Variants in TANGO6 observed in about 807,000 individuals in gnomAD.
TANGO6 encodes transport and golgi organization 6 homolog.
In TANGO6, 90 loss-of-function variants were observed where a neutral mutation model predicts 114.2. The ratio of observed to expected loss-of-function variants is 0.79; its 90% CI spans 0.66 to 0.94. The LOEUF (loss-of-function observed/expected upper bound fraction) is 0.94, where lower values mean the gene tolerates loss of function less well. Ranked by LOEUF, TANGO6 falls within the 40% of genes least tolerant of loss-of-function variation. TANGO6 has a pLI of 0.00. For missense variants in TANGO6, 1,274 were observed against 1,315.3 expected (o/e 0.97, Z 0.49); for synonymous variants, 477 against 509.8 (o/e 0.94, Z 0.87).
intron 15 of TANGO6, among the ~76,000 whole-genome samples, chr16:69,013,791 C>T (rs1022336160): frequency 4.6e-5 from 7 of 151,694 alleles, no homozygotes; most frequent in South Asian, 4.2e-4. Flanking sequence ...CGAGTAGCTA[C>T]GACCACAGGC....
At chr16:68,927,108 T>G (rs1415643997) in intron 12 of TANGO6, among the ~76,000 whole-genome samples, 1 of 152,182 alleles carries the variant, frequency 6.6e-6, no homozygotes, top group Non-Finnish European at 1.5e-5. Context: ...ATGGTGCACT[T>G]GCATACTGAC....
intron 14 of TANGO6, among the ~76,000 whole-genome samples, chr16:68,932,088 A>T (rs185580514): frequency 8.1e-4 from 122 of 151,206 alleles, no homozygotes; most frequent in Middle Eastern, 6.9e-3. Flanking sequence ...AAAATACAAT[A>T]AAAAAAATTT....
At chr16:69,081,776 TATCAGACCATAAA>T (rs1960468571) in intron 17 of TANGO6, among the ~76,000 whole-genome samples, 1 of 151,908 alleles carries the variant, frequency 6.6e-6, no homozygotes, top group Non-Finnish European at 1.5e-5. Context: ...CCCAATTCCA[TATCAGACCATAAA>T]ATCGGAGCAT....
At chr16:68,996,970 T>A (rs1397691665) in intron 15 of TANGO6, among the ~76,000 whole-genome samples, 1 of 127,310 alleles carries the variant, frequency 7.9e-6, no homozygotes, top group Non-Finnish European at 1.7e-5. Flanking sequence ...ATAGAGGAAA[T>A]GAAATAAAGA....
At chr16:68,994,525 A>AAT (rs1262805380) in intron 15 of TANGO6, among the ~76,000 whole-genome samples, 2 of 151,932 alleles carry the variant, frequency 1.3e-5, no homozygotes, top group Non-Finnish European at 2.9e-5. Flanking sequence ...CAGATATACT[A>AAT]ATATTTGCTA....
chr16:68,977,847 G>C (rs925643498), intron 15 of TANGO6, among the ~76,000 whole-genome samples: 1 of 151,474 alleles, frequency 6.6e-6, no homozygotes, highest in Admixed American at 6.6e-5. Context: ...CACCACGCCC[G>C]GCTAATTTTT....
At chr16:68,869,908 G>A (rs1044139220) in intron 4 of TANGO6, among the ~76,000 whole-genome samples, 1 of 152,220 alleles carries the variant, frequency 6.6e-6, no homozygotes, top group African/African-American at 2.4e-5. Flanking sequence ...AGGGCAGAGT[G>A]CAGGTAGAGT....
chr16:68,956,212 A>G (rs892601439), intron 14 of TANGO6, among the ~76,000 whole-genome samples: 2 of 152,214 alleles, frequency 1.3e-5, no homozygotes, highest in Non-Finnish European at 2.9e-5. Flanking sequence ...AAAACACTTT[A>G]AAAGCATTAA....
intron 4 of TANGO6, among the ~76,000 whole-genome samples, chr16:68,869,901 G>A (rs931068325): frequency 2.0e-5 from 3 of 152,210 alleles, no homozygotes; most frequent in African/African-American, 4.8e-5. Flanking sequence ...AGTAGTGAGG[G>A]CAGAGTGCAG....
intron 4 of TANGO6, among the ~76,000 whole-genome samples, chr16:68,868,513 T>C (rs1962215101): frequency 6.8e-6 from 1 of 147,350 alleles, no homozygotes; most frequent in South Asian, 2.2e-4. Flanking sequence ...TTTTTTTTTT[T>C]TTGAGACAGA....
At chr16:69,024,811 C>CT (rs957197601) in intron 16 of TANGO6, among the ~76,000 whole-genome samples, 22 of 150,994 alleles carry the variant, frequency 1.5e-4, no homozygotes, top group African/African-American at 2.7e-4. Flanking sequence ...TTTAAATTAC[C>CT]TTTTTTTTTA....
chr16:69,037,136 A>AG (rs1491469596), intron 16 of TANGO6, among the ~76,000 whole-genome samples: 1 of 129,546 alleles, frequency 7.7e-6, no homozygotes, highest in African/African-American at 2.7e-5. Context: ...AGTCCATCTC[A>AG]AAAAAAAAAA....
chr16:68,923,557 A>G (rs1963125947), intron 12 of TANGO6, among the ~76,000 whole-genome samples: 1 of 152,156 alleles, frequency 6.6e-6, no homozygotes, highest in Non-Finnish European at 1.5e-5. Context: ...TGGGTGCTCT[A>G]TAGAACTGCT....
intron 7 of TANGO6, 35 bp from the exon 8 acceptor site, chr16:68,900,399 C>T (rs1353228800): frequency 3.2e-6 from 5 of 1,581,212 alleles, no homozygotes; most frequent in Non-Finnish European, 4.3e-6. Flanking sequence ...GCCAGGCAGT[C>T]ATGGGATTAT....
chr16:68,995,052 T>C (rs1395554348), intron 15 of TANGO6, among the ~76,000 whole-genome samples: 1 of 152,208 alleles, frequency 6.6e-6, no homozygotes, highest in Admixed American at 6.5e-5. Flanking sequence ...CCAACAATAG[T>C]TCCACTATCA....
At chr16:68,848,132 G>A (rs1432669388) in intron 1 of TANGO6, among the ~76,000 whole-genome samples, 1 of 151,010 alleles carries the variant, frequency 6.6e-6, no homozygotes, top group African/African-American at 2.4e-5. Context: ...GTCTCCCTGT[G>A]TTGCCCAGCC....
At chr16:68,964,286 TA>T (rs1213809355) in intron 14 of TANGO6, among the ~76,000 whole-genome samples, 1 of 151,886 alleles carries the variant, frequency 6.6e-6, no homozygotes, top group South Asian at 2.1e-4. Flanking sequence ...ATTTGCCAAT[TA>T]AAAAATTAAA....
chr16:68,925,894 T>TA (rs373147736), intron 12 of TANGO6, among the ~76,000 whole-genome samples: 4,872 of 138,728 alleles, frequency 0.035, 274 homozygotes, highest in African/African-American at 0.12. Context: ...TTGTTCCAAT[T>TA]AAAAAAAAAA....
intron 16 of TANGO6, among the ~76,000 whole-genome samples, chr16:69,037,372 C>T (rs991330005): frequency 1.3e-5 from 2 of 152,140 alleles, no homozygotes; most frequent in East Asian, 1.9e-4. Flanking sequence ...GTCTTCCAAA[C>T]GTGGAAGCAG....
Sources: allele counts gnomAD v4.1 joint callset (sites outside exome capture counted in the v4.1 genomes callset), GRCh38; gene constraint gnomAD v4.1.1; transcripts MANE v1.5; gene names NCBI Gene and HGNC (gene_info 2026-07-23, HGNC 2026-07-21).